The following KALRN variants were observed in gnomAD, a reference collection of about 807,000 sequenced individuals.
KALRN encodes kalirin.
A neutral mutation model predicts 353.7 loss-of-function variants in KALRN; 70 were observed. That is an observed-to-expected ratio of 0.20 (90% CI 0.16 to 0.24). KALRN has a LOEUF of 0.24. Among genes scored for constraint, KALRN ranks in the 10% least tolerant of loss-of-function variants. The pLI is 1.00. For synonymous variants in KALRN, 1,391 were observed against 1,434.8 expected, an observed-to-expected ratio of 0.97 and a Z score of 0.69; for missense variants, 2,791 against 3,756.7, an observed-to-expected ratio of 0.74 and a Z score of 6.72.
At chr3:124,696,727 G>T (rs1181238351) in intron 54 of KALRN, among the ~76,000 whole-genome samples, 1 of 152,052 alleles carries the variant, frequency 6.6e-6, no homozygotes, top group Non-Finnish European at 1.5e-5. Context: ...ATAAATAAGT[G>T]TACAGTTCAG....
At chr3:124,401,046 G>A (rs931851795) in intron 13 of KALRN, among the ~76,000 whole-genome samples, 2 of 152,168 alleles carry the variant, frequency 1.3e-5, no homozygotes, top group African/African-American at 4.8e-5. Context: ...TCAGCTGGGG[G>A]CATCGCAAGT....
intron 2 of KALRN, among the ~76,000 whole-genome samples, chr3:124,232,834 C>A (rs1189118837): frequency 6.6e-6 from 1 of 151,810 alleles, no homozygotes; most frequent in Non-Finnish European, 1.5e-5. Context: ...CATTAATGGA[C>A]ACTATGCTTA....
At chr3:124,117,764 G>C (rs908264062) in intron 1 of KALRN, among the ~76,000 whole-genome samples, 1 of 152,142 alleles carries the variant, frequency 6.6e-6, no homozygotes, top group African/African-American at 2.4e-5. Context: ...TGTTGGCACC[G>C]TTCTTTCAGA....
intron 33 of KALRN, among the ~76,000 whole-genome samples, chr3:124,531,956 G>A (rs1561233870): frequency 6.6e-6 from 1 of 152,204 alleles, no homozygotes; most frequent in Non-Finnish European, 1.5e-5. Flanking sequence ...AAAGCTTCGT[G>A]TTCTTCTTGG....
intron 3 of KALRN, among the ~76,000 whole-genome samples, chr3:124,258,023 G>A (rs972613093): frequency 2.0e-5 from 3 of 152,172 alleles, no homozygotes; most frequent in African/African-American, 7.2e-5. Context: ...ATGTTCCACT[G>A]TAAACGGGTC....
At chr3:124,431,036 C>A (rs1303006168) in intron 16 of KALRN, among the ~76,000 whole-genome samples, 1 of 152,196 alleles carries the variant, frequency 6.6e-6, no homozygotes, top group Non-Finnish European at 1.5e-5. Context: ...TACCTTCAAC[C>A]TTTAAGGCCA....
chr3:124,249,627 G>A (rs763765987), intron 3 of KALRN, among the ~76,000 whole-genome samples: 1 of 152,150 alleles, frequency 6.6e-6, no homozygotes, highest in Non-Finnish European at 1.5e-5. Flanking sequence ...GGTGCCTAGA[G>A]CAGCATGCAC....
rs999124172 is a variant in KALRN at position 124,287,431 on chromosome 3, T to G, written c.970-11360T>G. On this transcript the variant is annotated intron_variant, in intron 5 of 59. Transcript: ENST00000682506. The stretch of plus-strand genomic sequence containing the variant: ...AGCCTCCTTACCAGTCCCTGAACGC[T>G]GATACCCATTTTTTACATCCATCAA... Among the ~76,000 whole-genome samples, 3 of 151,856 alleles carry G rather than the reference T, an allele frequency of 2.0e-5. No individual in the cohort carries two copies. In the South Asian group the frequency reaches 6.2e-4, roughly 32 times the overall value.
intron 13 of KALRN, among the ~76,000 whole-genome samples, chr3:124,408,196 A>AAT (rs1553954319): frequency 1.3e-5 from 2 of 152,244 alleles, no homozygotes; most frequent in Non-Finnish European, 2.9e-5. Flanking sequence ...TGCTAAAAAA[A>AAT]ATATGATTAA....
At chr3:124,450,065 G>T (rs1678884109) in intron 21 of KALRN, among the ~76,000 whole-genome samples, 1 of 152,188 alleles carries the variant, frequency 6.6e-6, no homozygotes, top group South Asian at 2.1e-4. Context: ...ATACCTGGGA[G>T]TGGAATGGTT....
At chr3:124,535,797 C>T (rs1249687867) in intron 33 of KALRN, among the ~76,000 whole-genome samples, 2 of 152,130 alleles carry the variant, frequency 1.3e-5, no homozygotes, top group Non-Finnish European at 2.9e-5. Flanking sequence ...TTTTCTTTCA[C>T]ATAACAGATA....
intron 3 of KALRN, among the ~76,000 whole-genome samples, chr3:124,241,060 G>A (rs754265336): frequency 2.0e-5 from 3 of 152,080 alleles, no homozygotes; most frequent in Admixed American, 6.5e-5. Context: ...ATAATAAAGC[G>A]AGCACTTGAG....
chr3:124,320,553 G>A (rs1477225060), intron 6 of KALRN, among the ~76,000 whole-genome samples: 1 of 152,158 alleles, frequency 6.6e-6, no homozygotes, highest in Non-Finnish European at 1.5e-5. Flanking sequence ...AATACAGTTT[G>A]TGATAAGGAG....
At chr3:124,179,015 G>A (rs1162923519) in intron 1 of KALRN, among the ~76,000 whole-genome samples, 1 of 152,106 alleles carries the variant, frequency 6.6e-6, no homozygotes, top group Non-Finnish European at 1.5e-5. Flanking sequence ...GCTGAAGTGG[G>A]AGGATTGCTT....
At chr3:124,256,029 G>A (rs1444761) in intron 3 of KALRN, among the ~76,000 whole-genome samples, 41,710 of 152,104 alleles carry the variant, frequency 0.27, 6,754 homozygotes, top group Non-Finnish European at 0.37. Flanking sequence ...ATAGAAGGTA[G>A]CATTTGAATT....
intron 5 of KALRN, among the ~76,000 whole-genome samples, chr3:124,290,706 T>C (rs1366888348): frequency 6.6e-6 from 1 of 152,118 alleles, no homozygotes; most frequent in Non-Finnish European, 1.5e-5. Flanking sequence ...ATATTGAGGG[T>C]TAATATTGGG....
chr3:124,614,684 C>T (rs1305495748), intron 34 of KALRN, among the ~76,000 whole-genome samples: 2 of 152,040 alleles, frequency 1.3e-5, no homozygotes, highest in Admixed American at 1.3e-4. Context: ...AATCCTCCCA[C>T]TCAGCCTCCC....
chr3:124,441,204 TAA>T lies in KALRN; in HGVS notation c.3199-740_3199-739del, dbSNP rs1028464055. Among the ~76,000 whole-genome samples the T allele has an allele frequency of 1.2e-4, 19 of 152,328 alleles. 1 individual carries two copies. Among genetic ancestry groups the T allele is most frequent in the Admixed American group, 3.3e-4 (5 of 15,304 alleles). On this transcript the variant is annotated intron_variant, in intron 18 of 59. Coordinates refer to ENST00000682506, the MANE Select transcript of KALRN (RefSeq NM_001388419.1). ...TTTACCAAATTTACTTGCTCAAGTC[TAA>T]GTCACACTGATTTTCAAGTGGGTTT... is the stretch of plus-strand genomic sequence containing the variant.
rs1307193559 is a variant in KALRN at position 124,109,716 on chromosome 3, C to CAT, written c.73+75910_73+75911dup. Among the ~76,000 whole-genome samples the CAT allele has an allele frequency of 4.7e-4, 60 of 128,354 alleles. 1 individual carries two copies. The highest frequency in any genetic ancestry group is 1.6e-3 in the African/African-American group (55 of 34,560). 84.2% of individuals were successfully genotyped at this position (128,354 alleles called of 152,430 possible). A position where few individuals can be genotyped will look rare whatever the true frequency, so the allele number is the denominator to read the frequency against. ...ATATCATACTTTGATATATATATGACATATATATCATACTTTGATATATAT... is the reference window on the plus strand; with the variant it reads ...ATATCATACTTTGATATATATATGACATATATATATCATACTTTGATATATAT... On this transcript the variant is annotated intron_variant, in intron 1 of 59. Coordinates refer to ENST00000682506, the MANE Select transcript of KALRN (RefSeq NM_001388419.1).
Sources: gnomAD v4.1 joint callset for allele counts (sites outside exome capture counted in the v4.1 genomes callset) on GRCh38, gnomAD v4.1.1 for gene constraint, MANE v1.5 for transcripts, NCBI Gene and HGNC (gene_info 2026-07-23, HGNC 2026-07-21) for gene names.